ADAMTS3: variants seen among roughly 807,000 people sequenced by gnomAD.
ADAMTS3 encodes A disintegrin and metalloproteinase with thrombospondin motifs 3.
In ADAMTS3, 73 loss-of-function variants were observed where a neutral mutation model predicts 129.0. The ratio of observed to expected loss-of-function variants is 0.57; its 90% CI spans 0.47 to 0.69. The LOEUF is 0.69. ADAMTS3 is among the 30% of genes least tolerant of loss of function. The pLI is 0.00. For synonymous variants in ADAMTS3, 477 were observed against 510.8 expected (o/e 0.93, Z 0.89); for missense variants, 1,457 against 1,514.5 (o/e 0.96, Z 0.63).
intron 4 of ADAMTS3, among the ~76,000 whole-genome samples, chr4:72,377,710 A>G (rs1031169909): frequency 2.0e-5 from 3 of 152,150 alleles, no homozygotes; most frequent in Non-Finnish European, 4.4e-5. Context: ...TACAGCCTTG[A>G]TGATCTAAGT....
chr4:72,496,029 A>G (rs1719865890), intron 3 of ADAMTS3, among the ~76,000 whole-genome samples: 1 of 152,144 alleles, frequency 6.6e-6, no homozygotes, highest in Non-Finnish European at 1.5e-5. Flanking sequence ...ATAATGGGAG[A>G]GCTTTTTTAT....
chr4:72,283,754 T>A, intron 21 of ADAMTS3, 50 bp from the exon 22 acceptor site: 1 of 1,439,736 alleles, frequency 6.9e-7, no homozygotes, highest in Non-Finnish European at 9.2e-7. Flanking sequence ...AAACATAAAA[T>A]AAAAGGAGGA....
intron 4 of ADAMTS3, among the ~76,000 whole-genome samples, chr4:72,347,585 C>T (rs1250692376): frequency 2.0e-5 from 3 of 151,998 alleles, no homozygotes; most frequent in Non-Finnish European, 2.9e-5. Flanking sequence ...TCTTTTTCAG[C>T]TAAATCATAA....
intron 4 of ADAMTS3, among the ~76,000 whole-genome samples, chr4:72,388,740 A>C (rs1721508543): frequency 6.6e-6 from 1 of 152,186 alleles, no homozygotes; most frequent in Non-Finnish European, 1.5e-5. Context: ...ACTCCTTAGG[A>C]GGATTCACAG....
chr4:72,479,353 A>C (rs1052137262), intron 3 of ADAMTS3, among the ~76,000 whole-genome samples: 10 of 152,232 alleles, frequency 6.6e-5, no homozygotes, highest in African/African-American at 9.6e-5. Flanking sequence ...GAGATATAGA[A>C]CAATGGAACA....
chr4:72,478,712 G>A (rs1719321259), intron 3 of ADAMTS3, among the ~76,000 whole-genome samples: 1 of 151,846 alleles, frequency 6.6e-6, no homozygotes, highest in African/African-American at 2.4e-5. Flanking sequence ...GCAGGAGAAG[G>A]AAATAAAGGG....
chr4:72,299,937 T>C (rs1718908685), intron 17 of ADAMTS3, among the ~76,000 whole-genome samples: 1 of 152,150 alleles, frequency 6.6e-6, no homozygotes, highest in Non-Finnish European at 1.5e-5. Flanking sequence ...TTTAAAAAAA[T>C]TGATTTTCAT....
intron 3 of ADAMTS3, among the ~76,000 whole-genome samples, chr4:72,482,462 C>T (rs934925251): frequency 6.6e-6 from 1 of 151,324 alleles, no homozygotes; most frequent in Non-Finnish European, 1.5e-5. Flanking sequence ...CTGGAAATGA[C>T]AAAAATGGAA....
intron 4 of ADAMTS3, among the ~76,000 whole-genome samples, chr4:72,414,202 C>G (rs1722249913): frequency 6.6e-6 from 1 of 151,536 alleles, no homozygotes; most frequent in South Asian, 2.1e-4. Flanking sequence ...AGCATATCTC[C>G]TTAATAGTAA....
At chr4:72,308,521 T>C (rs1469754337) in intron 15 of ADAMTS3, among the ~76,000 whole-genome samples, 8 of 151,960 alleles carry the variant, frequency 5.3e-5, no homozygotes, top group Non-Finnish European at 1.0e-4. Context: ...CAACGGCTCT[T>C]TGGAAGACAT....
intron 20 of ADAMTS3, among the ~76,000 whole-genome samples, chr4:72,289,784 T>C (rs1456312207): frequency 6.6e-6 from 1 of 152,158 alleles, no homozygotes; most frequent in Non-Finnish European, 1.5e-5. Context: ...CTTGCATGCC[T>C]CCTTGCCATG....
chr4:72,350,307 G>T (rs1300495131), intron 4 of ADAMTS3, among the ~76,000 whole-genome samples: 1 of 151,890 alleles, frequency 6.6e-6, no homozygotes, highest in Non-Finnish European at 1.5e-5. Context: ...AAAATAATGG[G>T]CATTTTTATA....
chr4:72,338,490 A>G (rs79232570), intron 5 of ADAMTS3, among the ~76,000 whole-genome samples: 7,245 of 152,258 alleles, frequency 0.048, 561 homozygotes, highest in African/African-American at 0.16. Context: ...TCAATAGACC[A>G]AAATATAATT....
chr4:72,550,081 G>GGAAGAAGAAGAAGAAGAAGAA (rs1182642409), intron 2 of ADAMTS3, among the ~76,000 whole-genome samples: 4 of 26,042 alleles, frequency 1.5e-4, no homozygotes, highest in Admixed American at 9.4e-4. Flanking sequence ...AAGAGGAAGA[G>GGAAGAAGAAGAAGAAGAAGAA]GAAGAAGAAG....
chr4:72,302,576 A>G (rs1442417810), intron 17 of ADAMTS3, among the ~76,000 whole-genome samples: 2 of 152,058 alleles, frequency 1.3e-5, no homozygotes. Context: ...AGGGTTTGGG[A>G]AAAACAACTA....
chr4:72,435,302 T>G (rs1025432330), intron 3 of ADAMTS3, among the ~76,000 whole-genome samples: 4 of 151,430 alleles, frequency 2.6e-5, no homozygotes, highest in African/African-American at 9.7e-5. Context: ...CCACAAAAGC[T>G]CCCAAAATAT....
intron 3 of ADAMTS3, among the ~76,000 whole-genome samples, chr4:72,422,977 G>C (rs1480053530): frequency 2.6e-5 from 4 of 152,144 alleles, no homozygotes; most frequent in Non-Finnish European, 5.9e-5. Flanking sequence ...ATTAGTCTAA[G>C]TGACATTTTT....
At chr4:72,538,908 T>C (rs540018082) in intron 3 of ADAMTS3, among the ~76,000 whole-genome samples, 2 of 152,168 alleles carry the variant, frequency 1.3e-5, no homozygotes, top group Non-Finnish European at 2.9e-5. Flanking sequence ...GACCATTCAA[T>C]TGAGAAAAGA....
chr4:72,389,940 A>G (rs904633299), intron 4 of ADAMTS3, among the ~76,000 whole-genome samples: 71 of 152,224 alleles, frequency 4.7e-4, no homozygotes, highest in African/African-American at 1.7e-3. Flanking sequence ...AAGGAAAAGA[A>G]GAGATGAATG....
Sources: gnomAD v4.1 joint callset for allele counts (sites outside exome capture counted in the v4.1 genomes callset) on GRCh38, gnomAD v4.1.1 for gene constraint, MANE v1.5 for transcripts, NCBI Gene and HGNC (gene_info 2026-07-23, HGNC 2026-07-21) for gene names.